MAP4K4: variants seen among roughly 807,000 people sequenced by gnomAD.
MAP4K4 encodes the protein mitogen-activated protein kinase kinase kinase kinase 4.
Under a neutral mutation model 189.6 loss-of-function variants are expected in MAP4K4, and 38 were observed. That is an observed-to-expected ratio of 0.20 (90% CI 0.15 to 0.26). MAP4K4 has a LOEUF of 0.26. MAP4K4 is among the 10% of genes least tolerant of loss of function. MAP4K4 has a pLI of 1.00. For synonymous variants in MAP4K4, 610 were observed against 624.3 expected, an observed-to-expected ratio of 0.98 and a Z score of 0.34; for missense variants, 1,054 against 1,726.9, an observed-to-expected ratio of 0.61 and a Z score of 6.91.
intron 2 of MAP4K4, among the ~76,000 whole-genome samples, chr2:101,764,464 T>C (rs754203976): frequency 2.3e-4 from 35 of 152,346 alleles, no homozygotes; most frequent in Non-Finnish European, 4.4e-4. Context: ...GCCTACCTCT[T>C]TGAGGTTGAT....
At chr2:101,788,763 T>G (rs2092251739) in intron 2 of MAP4K4, among the ~76,000 whole-genome samples, 1 of 152,226 alleles carries the variant, frequency 6.6e-6, no homozygotes, top group Non-Finnish European at 1.5e-5. Flanking sequence ...TGCCACTTTC[T>G]GACTAAGTCT....
At chr2:101,720,525 G>A (rs1252624581) in intron 2 of MAP4K4, among the ~76,000 whole-genome samples, 1 of 152,136 alleles carries the variant, frequency 6.6e-6, no homozygotes, top group Non-Finnish European at 1.5e-5. Context: ...GACCCAGTGA[G>A]GTGGAGGGAC....
Position 101,859,650 on chromosome 2 carries a change from G to A in MAP4K4, c.1490G>A (p.Arg497Gln), listed in dbSNP as rs772128002. 8 of 1,605,014 alleles carry A rather than the reference G, an allele frequency of 5.0e-6. No individual in the cohort carries two copies. The African/African-American group carries it at 5.3e-5, about 11-fold the overall frequency. The stretch of plus-strand genomic sequence containing the variant: ...ATCCTCTCCCTCTCCAAGGAGTGCC[G>A]ATGGCGGGAGATGGAGGAGCACCGG... The change falls in exon 15 of 33, where the codon CGA (arginine) becomes CAA (glutamine). Residue 497 changes from arginine (R) to glutamine (Q), a missense_variant. Coordinates refer to ENST00000324219, the Ensembl canonical transcript of MAP4K4.
chr2:101,785,720 CT>C (rs1654492785), intron 2 of MAP4K4, among the ~76,000 whole-genome samples: 6 of 7,234 alleles, frequency 8.3e-4, no homozygotes, highest in South Asian at 5.0e-3. Context: ...CTCTCTCTCT[CT>C]CTCTCTCTCT....
intron 16 of MAP4K4, chr2:101,862,015 A>C (rs2097674175): frequency 1.3e-5 from 2 of 151,844 alleles, no homozygotes; most frequent in Admixed American, 6.6e-5. Context: ...CAGGCAGATC[A>C]CCTGAGGTCA....
rs1040087916 is a variant in MAP4K4, at chr2:101,783,759, A to T, written c.124-6961A>T. Reference sequence around the variant, plus strand: ...AAAGCTTCCCAGTTGGTTGGGAATGAGAAGCAGCCAGGTCTTCTCTCTTCT... The same window carrying T: ...AAAGCTTCCCAGTTGGTTGGGAATGTGAAGCAGCCAGGTCTTCTCTCTTCT... On this transcript the variant is annotated intron_variant, in intron 2 of 32. Transcript: ENST00000324219. 5.3e-5 allele frequency among the ~76,000 whole-genome samples: 8 copies of T among 152,352 alleles called. 1 individual carries two copies. The highest frequency in any genetic ancestry group is 9.6e-5 in the African/African-American group (4 of 41,582).
intron 12 of MAP4K4, among the ~76,000 whole-genome samples, chr2:101,850,106 AACTAAGGGTAAATGTTAGTGTGAGCAT>A (rs2097235116): frequency 6.6e-6 from 1 of 152,124 alleles, no homozygotes; most frequent in Admixed American, 6.5e-5. Context: ...CTGCTTCCTC[AACTAAGGGTAAATGTTAGTGTGAGCAT>A]CAGCAGTTTC....
chr2:101,815,368 A>G (rs2149219825), intron 3 of MAP4K4, among the ~76,000 whole-genome samples: 1 of 152,336 alleles, frequency 6.6e-6, no homozygotes, highest in East Asian at 1.9e-4. Flanking sequence ...CATAAAAAGC[A>G]AATTGGGTGT....
intron 13 of MAP4K4, among the ~76,000 whole-genome samples, chr2:101,856,578 A>G (rs1290977872): frequency 6.6e-6 from 1 of 152,234 alleles, no homozygotes; most frequent in African/African-American, 2.4e-5. Flanking sequence ...TGTAATATAT[A>G]TCAGCATGTA....
At chr2:101,725,226 G>T (rs955869242) in intron 2 of MAP4K4, among the ~76,000 whole-genome samples, 1 of 152,126 alleles carries the variant, frequency 6.6e-6, no homozygotes, top group Non-Finnish European at 1.5e-5. Context: ...ATTTGCTTCA[G>T]AATAGCTCAG....
chr2:101,792,071 C>G (rs1189437354), intron 3 of MAP4K4, among the ~76,000 whole-genome samples: 2 of 152,064 alleles, frequency 1.3e-5, no homozygotes, highest in African/African-American at 2.4e-5. Context: ...TTAAATTTTA[C>G]TGAAGGAACA....
intron 1 of MAP4K4, among the ~76,000 whole-genome samples, 167 bp downstream of exon 1, chr2:101,698,304 C>T (rs2035690484): frequency 6.6e-6 from 1 of 150,778 alleles, no homozygotes; most frequent in African/African-American, 2.4e-5. Flanking sequence ...GCGCTACCCT[C>T]TACCGCCCCC....
Position 101,812,774 on chromosome 2 carries a change from G to A in MAP4K4, c.181-11154G>A, listed in dbSNP as rs572599650. Reference sequence around the variant, plus strand: ...TACTTAAGTAAAAGAGGTTAAGTGCGAGATAAAATAGCACCAACTTGTCTT... The same window carrying A: ...TACTTAAGTAAAAGAGGTTAAGTGCAAGATAAAATAGCACCAACTTGTCTT... On this transcript the variant is annotated intron_variant, in intron 3 of 32. Transcript: ENST00000324219. 1.2e-3 allele frequency among the ~76,000 whole-genome samples: 181 copies of A among 152,332 alleles called. No individual in the cohort carries two copies. The South Asian group carries it at 0.014, about 12-fold the overall frequency.
chr2:101,829,672 T>C, intron 6 of MAP4K4, 78 bp downstream of exon 6: 2 of 957,558 alleles, frequency 2.1e-6, no homozygotes, highest in South Asian at 1.4e-5. Context: ...TGCTTCCATC[T>C]AGCTAAAAGT....
rs1036378046 is a variant in MAP4K4 at position 101,761,646 on chromosome 2, C to G, written c.124-29074C>G. On this transcript the variant is annotated intron_variant, in intron 2 of 32. Coordinates refer to ENST00000324219, the Ensembl canonical transcript of MAP4K4. ...TGATCTCGGATCACTGCAACTTCCG[C>G]CTCCCAGGTTCAAGCAATTCTGTCT... 2.6e-5 allele frequency among the ~76,000 whole-genome samples: 4 copies of G among 151,806 alleles called. No homozygotes were observed. In the East Asian group the frequency reaches 7.7e-4, roughly 29 times the overall value.
chr2:101,822,606 T>C (rs2096133840), intron 3 of MAP4K4, among the ~76,000 whole-genome samples: 1 of 152,198 alleles, frequency 6.6e-6, no homozygotes, highest in Non-Finnish European at 1.5e-5. Context: ...AAGTATAATA[T>C]TTGCAAATCA....
At chr2:101,797,989 A>G (rs1575724590) in intron 3 of MAP4K4, among the ~76,000 whole-genome samples, 2 of 144,648 alleles carry the variant, frequency 1.4e-5, no homozygotes, top group South Asian at 4.4e-4. Flanking sequence ...GCACGAGTCT[A>G]GCTCATCGTA....
chr2:101,743,679 A>T (rs537917087), intron 2 of MAP4K4, among the ~76,000 whole-genome samples: 1 of 152,008 alleles, frequency 6.6e-6, no homozygotes, highest in African/African-American at 2.4e-5. Context: ...CTTTTTTGAG[A>T]TGGAGTCTTG....
intron 2 of MAP4K4, among the ~76,000 whole-genome samples, chr2:101,701,656 G>T (rs1243923511): frequency 6.6e-6 from 1 of 152,130 alleles, no homozygotes; most frequent in South Asian, 2.1e-4. Context: ...AAAACGGGGT[G>T]TATTCTGTTT....
Sources: gnomAD v4.1 joint callset for allele counts (sites outside exome capture counted in the v4.1 genomes callset) on GRCh38, gnomAD v4.1.1 for gene constraint, MANE v1.5 for transcripts, NCBI Gene and HGNC (gene_info 2026-07-23, HGNC 2026-07-21) for gene names.